PEX5L: variants seen among roughly 807,000 people sequenced by gnomAD.
The protein encoded by PEX5L is peroxisomal biogenesis factor 5 like, also known as PEX5-related protein.
PEX5L carries 30 observed loss-of-function variants against 84.0 expected under a neutral mutation model. The observed-to-expected ratio is 0.36, with a 90% confidence interval of 0.27 to 0.48. The LOEUF is 0.48. PEX5L is among the 20% of genes least tolerant of loss of function. The probability of loss-of-function intolerance (pLI) is 0.99; values close to 1 mark genes in which losing one functional copy is unlikely to be tolerated. For missense variants in PEX5L, 533 were observed against 754.6 expected (o/e 0.71, Z 3.44); for synonymous variants, 270 against 283.1 (o/e 0.95, Z 0.46).
At chr3:179,933,464 T>C (rs953143520) in intron 2 of PEX5L, among the ~76,000 whole-genome samples, 5 of 151,964 alleles carry the variant, frequency 3.3e-5, no homozygotes, top group Non-Finnish European at 7.4e-5. Context: ...TTGAGAAAAC[T>C]AATTTCAATA....
Position 179,840,249 on chromosome 3 carries a change from C to T in PEX5L, c.822+18813G>A, listed in dbSNP as rs1249801751. 8.9e-5 allele frequency among the ~76,000 whole-genome samples: 11 copies of T among 124,000 alleles called. No homozygotes were observed. The Admixed American group carries it at 1.0e-3, about 11-fold the overall frequency. 81.3% of individuals were successfully genotyped at this position (124,000 alleles called of 152,430 possible). A position where few individuals can be genotyped will look rare whatever the true frequency, so the allele number is the denominator to read the frequency against. ...TGTCTCCCAGGTTGGAGTGCAGTGG[C>T]ATGATCTTGGTGCACCGCAATCTCC... is the stretch of plus-strand genomic sequence containing the variant. On this transcript the variant is annotated intron_variant, in intron 8 of 14. Coordinates refer to ENST00000467460, the MANE Select transcript of PEX5L (RefSeq NM_016559.3).
intron 4 of PEX5L, among the ~76,000 whole-genome samples, chr3:179,882,711 C>T (rs776425212): frequency 6.6e-6 from 1 of 152,142 alleles, no homozygotes; most frequent in Non-Finnish European, 1.5e-5. Context: ...GTGGTGTCTG[C>T]TCTGCTGATT....
chr3:179,981,505 T>C (rs755208914), intron 1 of PEX5L, among the ~76,000 whole-genome samples: 5 of 152,198 alleles, frequency 3.3e-5, no homozygotes, highest in Non-Finnish European at 7.3e-5. Flanking sequence ...GCTTCATTCA[T>C]CACTTTGTGT....
chr3:179,879,851 C>A, intron 5 of PEX5L, 78 bp downstream of exon 5: 1 of 982,496 alleles, frequency 1.0e-6, no homozygotes, highest in Non-Finnish European at 1.5e-6. Context: ...CTGTTTAATG[C>A]CATTGGTGGA....
chr3:179,831,627 G>C (rs900176175), intron 8 of PEX5L, among the ~76,000 whole-genome samples: 5 of 152,156 alleles, frequency 3.3e-5, no homozygotes, highest in Non-Finnish European at 5.9e-5. Flanking sequence ...TATAAGGGCT[G>C]GGGTAAGGGG....
chr3:179,887,756 G>A lies in PEX5L; in HGVS notation c.227C>T (p.Pro76Leu). Reference protein sequence around the residue: ...QLVNEQQESRPLLSPSIDDFL... With the variant: ...QLVNEQQESRLLLSPSIDDFL... ...GTCATCGATGGAGGGACTCAGGAGG[G>A]GTCTGCTTTCTTGTTGCTCATTCAC... The change falls in exon 4 of 15, where the codon CCC (proline) becomes CTC (leucine). Residue 76 changes from proline to leucine, a missense_variant. Coordinates refer to ENST00000467460, the MANE Select transcript of PEX5L (RefSeq NM_016559.3). 6.2e-7 allele frequency: 1 copy of A among 1,613,738 alleles called. No individual in the cohort carries two copies. Among genetic ancestry groups the A allele is most frequent in the Non-Finnish European group, 8.5e-7 (1 of 1,179,738 alleles).
At chr3:179,893,841 T>C (rs1210273459) in intron 3 of PEX5L, among the ~76,000 whole-genome samples, 1 of 152,144 alleles carries the variant, frequency 6.6e-6, no homozygotes, top group East Asian at 1.9e-4. Context: ...TTTTACCTCA[T>C]TTAAATAATA....
At chr3:179,902,602 G>T in intron 2 of PEX5L, 1 of 448,704 alleles carries the variant, frequency 2.2e-6, no homozygotes, top group South Asian at 1.6e-5. Flanking sequence ...ATACGCTTTA[G>T]CATCTCTCTA....
chr3:179,925,473 C>T (rs980445521), intron 2 of PEX5L, among the ~76,000 whole-genome samples: 3 of 152,148 alleles, frequency 2.0e-5, no homozygotes, highest in African/African-American at 7.2e-5. Flanking sequence ...CCAATTATTG[C>T]ATACTTTGCC....
intron 1 of PEX5L, among the ~76,000 whole-genome samples, chr3:180,006,427 A>G (rs183340270): frequency 6.6e-6 from 1 of 152,310 alleles, no homozygotes; most frequent in Admixed American, 6.5e-5. Flanking sequence ...GGTCAAAAGC[A>G]CACCCTAATC....
rs932758236 is a variant in PEX5L, at chr3:179,816,635, T to C, written c.940-631A>G. 2.4e-4 allele frequency among the ~76,000 whole-genome samples: 37 copies of C among 152,252 alleles called. No homozygotes were observed. In the East Asian group the frequency reaches 3.7e-3, roughly 15 times the overall value. On this transcript the variant is annotated intron_variant, in intron 9 of 14. Coordinates refer to ENST00000467460, the MANE Select transcript of PEX5L (RefSeq NM_016559.3). Reference sequence around the variant, plus strand: ...ATAGCAACAGGAGAAATACTTAATGTAGATGATGGGTTGATGGCTGCAGCA... The same window carrying C: ...ATAGCAACAGGAGAAATACTTAATGCAGATGATGGGTTGATGGCTGCAGCA...
At chr3:179,956,902 A>C (rs1780710959) in intron 2 of PEX5L, among the ~76,000 whole-genome samples, 1 of 151,616 alleles carries the variant, frequency 6.6e-6, no homozygotes, top group African/African-American at 2.4e-5. Context: ...AATGTACATG[A>C]TTTTTTTTTG....
intron 8 of PEX5L, among the ~76,000 whole-genome samples, chr3:179,855,317 A>C (rs936886005): frequency 6.6e-6 from 1 of 152,224 alleles, no homozygotes; most frequent in African/African-American, 2.4e-5. Context: ...CATGATTTTC[A>C]TCTGGAGCTT....
chr3:179,802,121 T>A, intron 14 of PEX5L, 89 bp from the exon 15 acceptor site: 2 of 909,350 alleles, frequency 2.2e-6, no homozygotes, highest in Admixed American at 3.6e-5. Flanking sequence ...GATTAAGTGA[T>A]TTTAATCTAA....
chr3:179,877,775 T>C (rs1039094819), intron 5 of PEX5L, among the ~76,000 whole-genome samples: 1 of 152,220 alleles, frequency 6.6e-6, no homozygotes, highest in African/African-American at 2.4e-5. Flanking sequence ...TAATATATTT[T>C]AATCTAAATC....
intron 8 of PEX5L, 147 bp downstream of exon 8, chr3:179,858,915 T>C (rs1442501154): frequency 1.6e-6 from 1 of 621,402 alleles, no homozygotes; most frequent in African/African-American, 1.8e-5. Flanking sequence ...CTGTACCAAA[T>C]GATTGTCTCA....
intron 10 of PEX5L, 134 bp downstream of exon 10, chr3:179,815,727 A>T: frequency 1.1e-6 from 1 of 921,726 alleles, no homozygotes; most frequent in Non-Finnish European, 1.7e-6. Context: ...ACTTTTAAAC[A>T]AGTAGACTAA....
At chr3:179,834,267 C>T (rs1456150158) in intron 8 of PEX5L, among the ~76,000 whole-genome samples, 2 of 152,204 alleles carry the variant, frequency 1.3e-5, no homozygotes, top group African/African-American at 4.8e-5. Context: ...ATCTGGGCCA[C>T]CAAGGAGTGA....
intron 2 of PEX5L, among the ~76,000 whole-genome samples, chr3:179,932,627 A>C (rs1468006230): frequency 6.6e-6 from 1 of 152,228 alleles, no homozygotes; most frequent in African/African-American, 2.4e-5. Context: ...ATTCTTATTT[A>C]AAATTGGAAA....
Sources: gnomAD v4.1 joint callset for allele counts (sites outside exome capture counted in the v4.1 genomes callset) on GRCh38, gnomAD v4.1.1 for gene constraint, MANE v1.5 for transcripts, NCBI Gene and HGNC (gene_info 2026-07-23, HGNC 2026-07-21) for gene names.